PHACTR4: variants seen among roughly 807,000 people sequenced by gnomAD.
The protein encoded by PHACTR4 is protein phosphatase 1, regulatory subunit 124.
PHACTR4 carries 51 observed loss-of-function variants against 72.7 expected under a neutral mutation model. The observed-to-expected ratio is 0.70, with a 90% CI of 0.56 to 0.89. PHACTR4 has a LOEUF of 0.89. Ranked by LOEUF, PHACTR4 falls within the 40% of genes least tolerant of loss-of-function variation. PHACTR4 has a pLI of 0.00. For missense variants in PHACTR4, 731 were observed against 861.8 expected, an observed-to-expected ratio of 0.85 and a Z score of 1.90; for synonymous variants, 255 against 302.5, an observed-to-expected ratio of 0.84 and a Z score of 1.63.
At chr1:28,389,125 T>G (rs943778054) in intron 1 of PHACTR4, among the ~76,000 whole-genome samples, 2 of 147,544 alleles carry the variant, frequency 1.4e-5, no homozygotes, top group African/African-American at 5.2e-5. Context: ...TGATTAGAGG[T>G]TAATAGGAAA....
intron 2 of PHACTR4, among the ~76,000 whole-genome samples, chr1:28,451,076 T>C (rs1434677033): frequency 6.7e-6 from 1 of 148,288 alleles, no homozygotes; most frequent in East Asian, 2.1e-4. Flanking sequence ...CACCTCGGCC[T>C]CCCAAAATGC....
At chr1:28,421,622 A>G (rs1655516686) in intron 2 of PHACTR4, among the ~76,000 whole-genome samples, 1 of 152,154 alleles carries the variant, frequency 6.6e-6, no homozygotes, top group African/African-American at 2.4e-5. Flanking sequence ...TAGATGCTCT[A>G]AAACGTAGGC....
intron 6 of PHACTR4, among the ~76,000 whole-genome samples, chr1:28,467,518 G>T (rs1659271574): frequency 6.6e-6 from 1 of 151,916 alleles, no homozygotes; most frequent in African/African-American, 2.4e-5. Context: ...CTCACAAGGG[G>T]CAAGGCAAAC....
At chr1:28,438,572 T>A in intron 2 of PHACTR4, 1 of 893,744 alleles carries the variant, frequency 1.1e-6, no homozygotes, top group Non-Finnish European at 1.6e-6. Flanking sequence ...GAAGAATGAA[T>A]GAAGTCATGC....
At chr1:28,486,599 G>T (rs1218103437) in intron 9 of PHACTR4, among the ~76,000 whole-genome samples, 1 of 152,108 alleles carries the variant, frequency 6.6e-6, no homozygotes, top group Non-Finnish European at 1.5e-5. Flanking sequence ...AGGCATGGTG[G>T]CTCATGCCTG....
intron 2 of PHACTR4, chr1:28,433,154 G>A: frequency 1.1e-6 from 1 of 892,734 alleles, no homozygotes; most frequent in Non-Finnish European, 1.3e-6. Flanking sequence ...TAAAAAGGGA[G>A]TATCTTATTA....
At chr1:28,481,110 C>T (rs1660253528) in intron 9 of PHACTR4, among the ~76,000 whole-genome samples, 1 of 152,020 alleles carries the variant, frequency 6.6e-6, no homozygotes, top group Admixed American at 6.6e-5. Flanking sequence ...TGGCTCACCA[C>T]CTCCAACTCT....
At chr1:28,444,782 A>ATTTTTT (rs577693546) in intron 2 of PHACTR4, among the ~76,000 whole-genome samples, 2 of 116,678 alleles carry the variant, frequency 1.7e-5, no homozygotes, top group Non-Finnish European at 3.4e-5. Flanking sequence ...CACCCAGCTA[A>ATTTTTT]TTTTTTTTTT....
intron 6 of PHACTR4, among the ~76,000 whole-genome samples, chr1:28,471,521 CTT>C (rs71675377): frequency 8.4e-5 from 12 of 143,104 alleles, no homozygotes; most frequent in Admixed American, 2.1e-4. Flanking sequence ...AAAAGAACTA[CTT>C]TTTTTTTTTT....
Position 28,498,962 on chromosome 1 carries a change from G to A in PHACTR4, c.*2413G>A, listed in dbSNP as rs372391840. The A allele has an allele frequency of 1.3e-5, 2 of 150,992 alleles. No individual in the cohort carries two copies. Among genetic ancestry groups the A allele is most frequent in the African/African-American group, 4.9e-5 (2 of 41,048 alleles). 9.4% of individuals were successfully genotyped at this position (150,992 alleles called of 1,614,324 possible). On this transcript the variant is annotated 3_prime_UTR_variant, in exon 14 of 14. Transcript: ENST00000373839. ...ACGCATCTGTAATCCCAACTACTCAGGACGCTGAGGCAGGAGAGTCGCTTG... is the reference window on the plus strand; with the variant it reads ...ACGCATCTGTAATCCCAACTACTCAAGACGCTGAGGCAGGAGAGTCGCTTG...
intron 2 of PHACTR4, among the ~76,000 whole-genome samples, chr1:28,450,447 A>C (rs1657859192): frequency 1.3e-5 from 2 of 152,186 alleles, no homozygotes; most frequent in Non-Finnish European, 2.9e-5. Flanking sequence ...TTATAAAATC[A>C]GATGCTGAGA....
chr1:28,412,231 A>G (rs1654837287), intron 2 of PHACTR4, among the ~76,000 whole-genome samples: 1 of 152,188 alleles, frequency 6.6e-6, no homozygotes, highest in Non-Finnish European at 1.5e-5. Context: ...TATTAGTGAC[A>G]GGCTTACTTT....
At chr1:28,450,459 C>T (rs1043191206) in intron 2 of PHACTR4, among the ~76,000 whole-genome samples, 1 of 152,058 alleles carries the variant, frequency 6.6e-6, no homozygotes, top group African/African-American at 2.4e-5. Flanking sequence ...ATGCTGAGAA[C>T]AAAGATTTAT....
chr1:28,483,253 G>T (rs1660394441), intron 9 of PHACTR4, among the ~76,000 whole-genome samples: 1 of 152,000 alleles, frequency 6.6e-6, no homozygotes, highest in African/African-American at 2.4e-5. Context: ...AACTTAGCCA[G>T]ACATGGTGAC....
intron 8 of PHACTR4, among the ~76,000 whole-genome samples, chr1:28,478,597 C>G (rs1458036523): frequency 6.6e-6 from 1 of 151,676 alleles, no homozygotes; most frequent in African/African-American, 2.4e-5. Context: ...ATGCCCAGCT[C>G]ATTTTAGTTT....
intron 2 of PHACTR4, among the ~76,000 whole-genome samples, chr1:28,432,371 CTTTTTTTTT>C (rs112055906): frequency 7.4e-6 from 1 of 135,608 alleles, no homozygotes; most frequent in Non-Finnish European, 1.6e-5. Flanking sequence ...CTCTCTCTCT[CTTTTTTTTT>C]TTTTTTTTGA....
At chr1:28,385,806 G>C (rs970851704) in intron 1 of PHACTR4, among the ~76,000 whole-genome samples, 2 of 151,506 alleles carry the variant, frequency 1.3e-5, no homozygotes, top group Non-Finnish European at 2.9e-5. Flanking sequence ...GTAGAGACAG[G>C]GTTTCAGCAT....
At chr1:28,496,509 T>G (rs761898602) in intron 13 of PHACTR4, 25 bp from the exon 14 acceptor site, 2 of 1,612,808 alleles carry the variant, frequency 1.2e-6, no homozygotes, top group South Asian at 1.1e-5. Flanking sequence ...ATGTGGTAAC[T>G]TGTCTCTTTT....
intron 1 of PHACTR4, among the ~76,000 whole-genome samples, chr1:28,393,968 C>T (rs1363680712): frequency 2.6e-5 from 4 of 152,110 alleles, no homozygotes; most frequent in Non-Finnish European, 5.9e-5. Context: ...TCACCTTGGA[C>T]TCCCAAAGTG....
Sources: allele counts gnomAD v4.1 joint callset (sites outside exome capture counted in the v4.1 genomes callset), GRCh38; gene constraint gnomAD v4.1.1; transcripts MANE v1.5; gene names NCBI Gene and HGNC (gene_info 2026-07-23, HGNC 2026-07-21).